Variants in CARS1 observed in about 807,000 individuals in gnomAD.
CARS1 encodes cysteinyl-tRNA synthetase 1, also known as cysteine--tRNA ligase, cytoplasmic.
Under a neutral mutation model 106.2 loss-of-function variants are expected in CARS1, and 48 were observed. The ratio of observed to expected loss-of-function variants is 0.45; its 90% confidence interval spans 0.36 to 0.57. The LOEUF (loss-of-function observed/expected upper bound fraction) is 0.57. CARS1 is among the 20% of genes least tolerant of loss of function. CARS1 has a pLI of 0.00. For synonymous variants in CARS1, 409 were observed against 403.4 expected (o/e 1.01, Z -0.17); for missense variants, 968 against 1,057.2 (o/e 0.92, Z 1.17).
rs1852474875 is a variant in CARS1 at position 3,029,452 on chromosome 11, A to C, written c.802-9T>G. The C allele has an allele frequency of 3.1e-6, 5 of 1,612,904 alleles. No individual in the cohort carries two copies. Among genetic ancestry groups the C allele is most frequent in the Non-Finnish European group, 4.2e-6 (5 of 1,179,632 alleles). On this transcript the variant is annotated splice_polypyrimidine_tract_variant and intron_variant, in intron 7 of 22. Transcript: ENST00000380525. The surrounding 1 kb of genome is among the most constrained non-coding windows in gnomAD (Gnocchi z 5.9). ...GCTTCTTCCAGCAACACCTGAAGAGAAAGAAACAAAAATCCAGCAGCGGGC... is the reference window on the plus strand; with the variant it reads ...GCTTCTTCCAGCAACACCTGAAGAGCAAGAAACAAAAATCCAGCAGCGGGC...
chr11:3,015,328 A>G (rs1850877404), intron 17 of CARS1, among the ~76,000 whole-genome samples: 1 of 152,248 alleles, frequency 6.6e-6, no homozygotes, highest in Non-Finnish European at 1.5e-5. Flanking sequence ...GCATCTGCCC[A>G]GCCCCATGGG....
At chr11:3,025,468 T>C (rs2134176416) in intron 10 of CARS1, among the ~76,000 whole-genome samples, 1 of 152,358 alleles carries the variant, frequency 6.6e-6, no homozygotes, top group East Asian at 1.9e-4. Flanking sequence ...CCTCAGGTGA[T>C]CCACCCACCT....
chr11:3,039,779 T>C lies in CARS1; in HGVS notation c.552+56A>G. On this transcript the variant is annotated intron_variant, in intron 5 of 22. Coordinates refer to ENST00000380525, the MANE Select transcript of CARS1 (RefSeq NM_001014437.3). The surrounding 1 kb of genome is among the most constrained non-coding windows in gnomAD (Gnocchi z 5.6). ...ATTATTTACTTATGCGAAAGTTCTA[T>C]CTTCTTTTACACCATCCAATTGCAT... 2.3e-6 allele frequency: 2 copies of C among 883,854 alleles called. No homozygotes were observed. The highest frequency in any genetic ancestry group is 3.5e-6 in the Non-Finnish European group (2 of 566,514). 54.8% of individuals were successfully genotyped at this position (883,854 alleles called of 1,614,324 possible).
rs1854327680 is a variant in CARS1 at position 3,040,674 on chromosome 11, T to C, written c.455+222A>G. The C allele has an allele frequency of 1.4e-6, 1 of 694,662 alleles. No homozygotes were observed. Among genetic ancestry groups the C allele is most frequent in the South Asian group, 1.5e-5 (1 of 66,406 alleles). 43.0% of individuals were successfully genotyped at this position (694,662 alleles called of 1,614,324 possible). A position where few individuals can be genotyped will look rare whatever the true frequency, so the allele number is the denominator to read the frequency against. The stretch of plus-strand genomic sequence containing the variant: ...CAGTGGGGCTATGGACATTTTCTTT[T>C]TGGTGATCTGTAGTCTTTCTGCAGT... On this transcript the variant is annotated intron_variant, in intron 4 of 22. Transcript: ENST00000380525. This position sits in a 1 kb window ranked among gnomAD's most constrained non-coding sequence, Gnocchi z 5.8.
At position 3,034,680 on chromosome 11, in the gene CARS1, C is replaced by A. The variant is rs898200645; in HGVS notation, c.801+3370G>T. On this transcript the variant is annotated intron_variant, in intron 7 of 22. Transcript: ENST00000380525. The surrounding 1 kb of genome is among the most constrained non-coding windows in gnomAD (Gnocchi z 6.3). The stretch of plus-strand genomic sequence containing the variant: ...AAGTAGCTGGGATTACAGGCACACG[C>A]CACAACACCCAGCTAATTTTTTTTT... Among the ~76,000 whole-genome samples, 1 of 152,066 alleles carries A rather than the reference C, an allele frequency of 6.6e-6. No homozygotes were observed. The highest frequency in any genetic ancestry group is 2.4e-5 in the African/African-American group (1 of 41,376).
At position 3,002,064 on chromosome 11, in the gene CARS1, C is replaced by T. The variant is rs368442312; in HGVS notation, c.2278-11G>A. 1.1e-5 allele frequency: 18 copies of T among 1,593,494 alleles called. No homozygotes were observed. The African/African-American group carries it at 2.0e-4, about 18-fold the overall frequency. ...GGCCAGCTTTGCTGCCTAGAACACGCAACACGGCACAGTCACTGCCCCCGA... is the reference window on the plus strand; with the variant it reads ...GGCCAGCTTTGCTGCCTAGAACACGTAACACGGCACAGTCACTGCCCCCGA... On this transcript the variant is annotated splice_polypyrimidine_tract_variant and intron_variant, in intron 21 of 22. Coordinates refer to ENST00000380525, the MANE Select transcript of CARS1 (RefSeq NM_001014437.3).
In CARS1 at chr11:3,017,505, T is replaced by TA; in HGVS notation, c.1728-211_1728-210insT. The TA allele has an allele frequency of 1.7e-6, 1 of 580,486 alleles. No homozygotes were observed. Among genetic ancestry groups the TA allele is most frequent in the Non-Finnish European group, 3.1e-6 (1 of 326,272 alleles). The allele number at this position is 580,486 out of a possible 1,614,324, so 36.0% of individuals were successfully genotyped here. On this transcript the variant is annotated intron_variant, in intron 15 of 22. Transcript: ENST00000380525. This position sits in a 1 kb window ranked among gnomAD's most constrained non-coding sequence, Gnocchi z 4.9. ...CTAAAAATCTGAAATTAGCCAGGTA[T>TA]GGTGGCGCATGCCTGTAACCCCAGC...
intron 2 of CARS1, among the ~76,000 whole-genome samples, chr11:3,047,276 CA>C (rs59525343): frequency 0.4 from 33,627 of 84,150 alleles, 3,858 homozygotes; most frequent in South Asian, 0.45. Context: ...GACTCCATCT[CA>C]AAAAAAAAAA....
chr11:3,054,621 G>A (rs915078211), intron 1 of CARS1, among the ~76,000 whole-genome samples: 2 of 152,242 alleles, frequency 1.3e-5, no homozygotes, highest in African/African-American at 4.8e-5. Flanking sequence ...GGCTGCCCAG[G>A]TTGGGAGCCT....
chr11:3,047,446 GC>G (rs1855214085), intron 2 of CARS1, among the ~76,000 whole-genome samples: 1 of 152,180 alleles, frequency 6.6e-6, no homozygotes, highest in Non-Finnish European at 1.5e-5. Flanking sequence ...AGGGCCCGTG[GC>G]CTGGGCATGC....
chr11:3,055,118 T>G, intron 1 of CARS1: 1 of 598,716 alleles, frequency 1.7e-6, no homozygotes. Flanking sequence ...AATGATGGCC[T>G]CCTTGAAAAA....
At position 3,001,209 on chromosome 11, in the gene CARS1, T is replaced by C; in HGVS notation, c.2401A>G (p.Lys801Glu). 3 of 1,614,062 alleles carry C rather than the reference T, an allele frequency of 1.9e-6. No individual in the cohort carries two copies. Among genetic ancestry groups the C allele is most frequent in the South Asian group, 2.2e-5 (2 of 91,082 alleles). Residue 801 changes from lysine (K) to glutamate (E), a missense_variant, in exon 23 of 23, where the codon AAA becomes GAA. Transcript: ENST00000380525. ...THDMEGKELS[K>E]GQAKKLKKLF... is the part of the protein sequence containing the mutation. ...TTCTTCAGCTTCTTGGCTTGCCCTT[T>C]GCTGAGCTCTTTGCCCTCCATGTCA...
At position 3,052,749 on chromosome 11, in the gene CARS1, A is replaced by G. The variant is rs1855820897; in HGVS notation, c.25+4594T>C. Among the ~76,000 whole-genome samples the G allele has an allele frequency of 6.6e-6, 1 of 152,210 alleles. No homozygotes were observed. The highest frequency in any genetic ancestry group is 6.5e-5 in the Admixed American group (1 of 15,286). On this transcript the variant is annotated intron_variant, in intron 1 of 22. Coordinates refer to ENST00000380525, the MANE Select transcript of CARS1 (RefSeq NM_001014437.3). This position sits in a 1 kb window ranked among gnomAD's most constrained non-coding sequence, Gnocchi z 4.6. Reference sequence around the variant, plus strand: ...CTGCATTTAAGTGTGTCTCGAGGAAACAAATAAAAATAGGTCAGCTTTCAA... The same window carrying G: ...CTGCATTTAAGTGTGTCTCGAGGAAGCAAATAAAAATAGGTCAGCTTTCAA...
At chr11:3,018,893 A>T in intron 12 of CARS1, 144 bp from the exon 13 acceptor site, 1 of 1,208,876 alleles carries the variant, frequency 8.3e-7, no homozygotes, top group Non-Finnish European at 1.1e-6. Flanking sequence ...TTGGAAGGAC[A>T]GCCCAGGTTA....
chr11:3,057,020 G>C (rs1211975440), intron 1 of CARS1, among the ~76,000 whole-genome samples: 1 of 152,098 alleles, frequency 6.6e-6, no homozygotes, highest in South Asian at 2.1e-4. Context: ...TCGGAGCCGG[G>C]CACCCGTTGT....
Position 3,038,332 on chromosome 11 carries a change from G to A in CARS1, c.652-133C>T, listed in dbSNP as rs1853960405. On this transcript the variant is annotated intron_variant, in intron 6 of 22. Transcript: ENST00000380525. This position sits in a 1 kb window ranked among gnomAD's most constrained non-coding sequence, Gnocchi z 4.0. ...AGAGATAGAGAAGTGTGCAACCCAA[G>A]TGGCCAGGCAGTAAGGAACTAAGAG... 2.5e-6 allele frequency: 2 copies of A among 809,278 alleles called. No homozygotes were observed. Among genetic ancestry groups the A allele is most frequent in the African/African-American group, 1.7e-5 (1 of 58,370 alleles). 50.1% of individuals were successfully genotyped at this position (809,278 alleles called of 1,614,324 possible).
rs1042461696 is a variant in CARS1, at chr11:3,037,260, C to T, written c.801+790G>A. On this transcript the variant is annotated intron_variant, in intron 7 of 22. Transcript: ENST00000380525. This position sits in a 1 kb window ranked among gnomAD's most constrained non-coding sequence, Gnocchi z 5.9. The stretch of plus-strand genomic sequence containing the variant: ...GAAACAGGCGCAACGAAGCGATCTG[C>T]TGAGTCAGGACACAGAAGAGACCAA... Among the ~76,000 whole-genome samples, 4 of 152,326 alleles carry T rather than the reference C, an allele frequency of 2.6e-5. No homozygotes were observed. The South Asian group carries it at 8.3e-4, about 32-fold the overall frequency.
At position 3,022,497 on chromosome 11, in the gene CARS1, T is replaced by C. The variant is rs562758270; in HGVS notation, c.1154-2165A>G. ...TCCACCATACAATTACTACGCTTCT[T>C]CTACGGCAACCCCTGGTATCCCGGT... is the stretch of plus-strand genomic sequence containing the variant. On this transcript the variant is annotated intron_variant, in intron 10 of 22. Coordinates refer to ENST00000380525, the MANE Select transcript of CARS1 (RefSeq NM_001014437.3). The surrounding 1 kb of genome is among the most constrained non-coding windows in gnomAD (Gnocchi z 4.9). 6.6e-6 allele frequency among the ~76,000 whole-genome samples: 1 copy of C among 152,304 alleles called. No individual in the cohort carries two copies. Among genetic ancestry groups the C allele is most frequent in the Non-Finnish European group, 1.5e-5 (1 of 68,022 alleles).
chr11:3,026,494 A>C (rs556960552), intron 10 of CARS1, among the ~76,000 whole-genome samples, 182 bp downstream of exon 10: 1 of 152,320 alleles, frequency 6.6e-6, no homozygotes, highest in South Asian at 2.1e-4. Context: ...AACACATGTC[A>C]TGGTCTTAGA....
Sources: allele counts gnomAD v4.1 joint callset (sites outside exome capture counted in the v4.1 genomes callset), GRCh38; gene constraint gnomAD v4.1.1; non-coding constraint Gnocchi (gnomAD v3.1); transcripts MANE v1.5; gene names NCBI Gene and HGNC (gene_info 2026-07-23, HGNC 2026-07-21).